C4orf51: variants seen among roughly 807,000 people sequenced by gnomAD.
C4orf51 encodes chromosome 4 open reading frame 51.
Under a neutral mutation model 25.2 loss-of-function variants are expected in C4orf51, and 25 were observed. The ratio of observed to expected loss-of-function variants is 0.99; its 90% CI spans 0.72 to 1.39. The LOEUF is 1.39. Among genes scored for constraint, C4orf51 ranks in the 40% most tolerant of loss-of-function variants. The pLI, the probability that C4orf51 is intolerant of heterozygous loss-of-function variation, is 0.00. For missense variants in C4orf51, 252 were observed against 239.6 expected (o/e 1.05, Z -0.34); for synonymous variants, 100 against 84.5 (o/e 1.18, Z -1.01).
At chr4:145,717,356 A>G (rs1731478511) in intron 2 of C4orf51, among the ~76,000 whole-genome samples, 2 of 152,240 alleles carry the variant, frequency 1.3e-5, no homozygotes, top group South Asian at 4.1e-4. Context: ...CAATTTACCC[A>G]TATTGCCTTT....
rs1734734206 is a variant in C4orf51, at chr4:145,762,775, GCT to G, written n.167-8212_167-8211del. ...GAGCCTCTCTTTTAGAAGCTGCCAG[GCT>G]GGAGTCAGTGGCTTATATGAGAACT... On this transcript the variant is annotated intron_variant and non_coding_transcript_variant, in intron 1 of 1. Transcript: ENST00000510096. The surrounding 1 kb of genome is among the most constrained non-coding windows in gnomAD (Gnocchi z 4.9). Among the ~76,000 whole-genome samples the G allele has an allele frequency of 6.6e-6, 1 of 152,240 alleles. No homozygotes were observed. The highest frequency in any genetic ancestry group is 1.5e-5 in the Non-Finnish European group (1 of 68,040).
the C4orf51 span, among the ~76,000 whole-genome samples, chr4:145,792,053 A>G: frequency 2.6e-5 from 4 of 152,230 alleles, no homozygotes; most frequent in African/African-American, 9.6e-5. Context: ...AAAGGCTGAT[A>G]GCCTTGAGGC....
At chr4:145,733,052 A>C (rs1293319996), downstream of C4orf51, among the ~76,000 whole-genome samples, 5 of 152,108 alleles carry the variant, frequency 3.3e-5, no homozygotes, top group Non-Finnish European at 7.4e-5. Context: ...GGGCGGCCTC[A>C]GACGCGGCGG....
At chr4:145,704,480 A>G (rs1405464845) in intron 2 of C4orf51, among the ~76,000 whole-genome samples, 2 of 152,158 alleles carry the variant, frequency 1.3e-5, no homozygotes, top group Non-Finnish European at 2.9e-5. Context: ...TTCCTTCACT[A>G]TTCTTTCCCT....
Position 145,765,111 on chromosome 4 carries a change from C to T in C4orf51, n.167-5877C>T, listed in dbSNP as rs201852540. ...GGTGATGAGGTGTATCTGCAGATGA[C>T]GCTCAAACATGTTCTTCGTCTTGCA... On this transcript the variant is annotated intron_variant and non_coding_transcript_variant, in intron 1 of 1. Transcript: ENST00000510096. This position sits in a 1 kb window ranked among gnomAD's most constrained non-coding sequence, Gnocchi z 4.7. The T allele has an allele frequency of 3.2e-5, 51 of 1,613,998 alleles. No individual in the cohort carries two copies. The Admixed American group carries it at 4.5e-4, about 14-fold the overall frequency.
downstream of C4orf51, among the ~76,000 whole-genome samples, chr4:145,755,509 ACCT>A (rs1349142962): frequency 5.9e-5 from 9 of 152,178 alleles, no homozygotes; most frequent in Admixed American, 5.9e-4. Flanking sequence ...TCCCTTTTGC[ACCT>A]CCTATCAGTG....
chr4:145,788,257 C>A, the C4orf51 span, among the ~76,000 whole-genome samples: 4 of 152,076 alleles, frequency 2.6e-5, no homozygotes, highest in African/African-American at 4.8e-5. Context: ...GTTCTTTATG[C>A]AGGTCATATT....
intron 2 of C4orf51, among the ~76,000 whole-genome samples, chr4:145,720,707 G>A (rs1029557919): frequency 1.3e-5 from 2 of 152,206 alleles, no homozygotes; most frequent in African/African-American, 2.4e-5. Context: ...GCTTTGGTGT[G>A]ATTGTCTTCA....
intron 2 of C4orf51, among the ~76,000 whole-genome samples, chr4:145,713,595 G>A (rs1398335542): frequency 2.0e-5 from 3 of 152,134 alleles, no homozygotes; most frequent in African/African-American, 4.8e-5. Context: ...ATGGATGAGC[G>A]AAGAAACTGA....
chr4:145,736,586 A>T (rs927857546), downstream of C4orf51, among the ~76,000 whole-genome samples: 2 of 152,080 alleles, frequency 1.3e-5, no homozygotes, highest in Non-Finnish European at 2.9e-5. Flanking sequence ...ACATGCCCTG[A>T]CCTAGGCATT....
chr4:145,757,159 T>C (rs1734010101), downstream of C4orf51, among the ~76,000 whole-genome samples: 1 of 152,252 alleles, frequency 6.6e-6, no homozygotes. Context: ...AGGTGAACTA[T>C]TATTACTTGC....
downstream of C4orf51, among the ~76,000 whole-genome samples, chr4:145,773,235 C>T (rs1453424642): frequency 6.6e-6 from 1 of 152,196 alleles, no homozygotes; most frequent in African/African-American, 2.4e-5. Flanking sequence ...CACCTGCTGC[C>T]CACAGGCTAA....
At position 145,729,966 on chromosome 4, in the gene C4orf51, G is replaced by A. The variant is rs1303695508; in HGVS notation, c.501+1G>A. Reference sequence around the variant, plus strand: ...ACGAGGGAAAGGTGTCCTAAAGCATGTAAGAATCTTTTTACTTGCCATGCA... The same window carrying A: ...ACGAGGGAAAGGTGTCCTAAAGCATATAAGAATCTTTTTACTTGCCATGCA... On this transcript the variant is annotated splice_donor_variant, in intron 5 of 5. Coordinates refer to ENST00000438731, the MANE Select transcript of C4orf51 (RefSeq NM_001080531.3). LOFTEE classifies it high-confidence loss of function. The A allele has an allele frequency of 1.2e-6, 2 of 1,613,508 alleles. No homozygotes were observed. The highest frequency in any genetic ancestry group is 1.7e-5 in the Admixed American group (1 of 59,998).
rs34336553 is a variant in C4orf51, at chr4:145,706,808, AT to A, written c.307+10196del. On this transcript the variant is annotated intron_variant, in intron 2 of 5. Coordinates refer to ENST00000438731, the MANE Select transcript of C4orf51 (RefSeq NM_001080531.3). ...AGGTTCCCACCACCATGCCCGGCTA[AT>A]TTTTTTTTTTTTTTTTTTTGAGACA... Among the ~76,000 whole-genome samples, 308 of 118,660 alleles carry A rather than the reference AT, an allele frequency of 2.6e-3. 4 individuals are homozygous for A. The East Asian group carries it at 0.04, about 15-fold the overall frequency. 77.8% of individuals were successfully genotyped at this position (118,660 alleles called of 152,430 possible).
intron 2 of C4orf51, among the ~76,000 whole-genome samples, chr4:145,704,848 T>C (rs902967757): frequency 2.0e-5 from 3 of 152,082 alleles, no homozygotes; most frequent in African/African-American, 7.2e-5. Context: ...TTGAAAAGCT[T>C]TAGAGCAGGA....
rs748964221 is a variant in C4orf51, at chr4:145,696,544, A to G, written c.234-15A>G. ...CATAAATTTGTAACTTGTTTCTTCTACTTGCTTTCCTTAGGATGTCATTGA... is the reference window on the plus strand; with the variant it reads ...CATAAATTTGTAACTTGTTTCTTCTGCTTGCTTTCCTTAGGATGTCATTGA... On this transcript the variant is annotated splice_polypyrimidine_tract_variant and intron_variant, in intron 1 of 5. Coordinates refer to ENST00000438731, the MANE Select transcript of C4orf51 (RefSeq NM_001080531.3). The G allele has an allele frequency of 6.2e-7, 1 of 1,606,320 alleles. No homozygotes were observed. Among genetic ancestry groups the G allele is most frequent in the Non-Finnish European group, 8.5e-7 (1 of 1,173,250 alleles).
At chr4:145,700,993 C>T (rs916223236) in intron 2 of C4orf51, among the ~76,000 whole-genome samples, 4 of 152,058 alleles carry the variant, frequency 2.6e-5, no homozygotes, top group Non-Finnish European at 5.9e-5. Context: ...TTTTTCTTTA[C>T]CCCAAATCAG....
the C4orf51 span, among the ~76,000 whole-genome samples, chr4:145,779,985 G>A: frequency 6.6e-6 from 1 of 152,204 alleles, no homozygotes; most frequent in Non-Finnish European, 1.5e-5. Context: ...GAGCTCAGAA[G>A]TTCAAGACCA....
chr4:145,724,356 C>T (rs1170728501), intron 2 of C4orf51, among the ~76,000 whole-genome samples: 1 of 151,944 alleles, frequency 6.6e-6, no homozygotes, highest in African/African-American at 2.4e-5. Flanking sequence ...TTGAATTTAG[C>T]TAAGTAATTG....
Sources: gnomAD v4.1 joint callset for allele counts (sites outside exome capture counted in the v4.1 genomes callset) on GRCh38, gnomAD v4.1.1 for gene constraint, Gnocchi (gnomAD v3.1) non-coding constraint, MANE v1.5 for transcripts, NCBI Gene and HGNC (gene_info 2026-07-23, HGNC 2026-07-21) for gene names.